Variants in FOXN2 observed in about 807,000 individuals in gnomAD.
FOXN2 encodes the protein forkhead box protein N2.
Under a neutral mutation model 41.2 loss-of-function variants are expected in FOXN2, and 19 were observed. That is an observed-to-expected ratio of 0.46 (90% CI 0.32 to 0.68). The LOEUF is 0.68. Among genes scored for constraint, FOXN2 ranks in the 30% least tolerant of loss-of-function variants. The pLI, the probability that FOXN2 is intolerant of heterozygous loss-of-function variation, is 0.03. For synonymous variants in FOXN2, 195 were observed against 176.8 expected (o/e 1.10, Z -0.82); for missense variants, 587 against 509.4 (o/e 1.15, Z -1.47).
chr2:48,328,679 T>C lies in FOXN2; in HGVS notation c.-38T>C, dbSNP rs997615875. ...GTCACTGTATGACTTATAGTACAGG[T>C]GATATTACTTCTGATTCTAGATGGT... On this transcript the variant is annotated 5_prime_UTR_variant, in exon 2 of 7. Coordinates refer to ENST00000340553, the MANE Select transcript of FOXN2 (RefSeq NM_002158.4). 6.6e-6 allele frequency: 1 copy of C among 152,216 alleles called. No individual in the cohort carries two copies. Among genetic ancestry groups the C allele is most frequent in the Non-Finnish European group, 1.5e-5 (1 of 68,032 alleles). The allele number at this position is 152,216 out of a possible 1,614,324, so 9.4% of individuals were successfully genotyped here. A position where few individuals can be genotyped will look rare whatever the true frequency, so the allele number is the denominator to read the frequency against.
chr2:48,342,743 A>C (rs1158133593), intron 2 of FOXN2, among the ~76,000 whole-genome samples: 3 of 152,174 alleles, frequency 2.0e-5, no homozygotes, highest in African/African-American at 7.2e-5. Flanking sequence ...ATAGTGCTCT[A>C]AAGTGTTCTA....
In FOXN2 at chr2:48,359,142, A is replaced by G. The variant is rs753607587; in HGVS notation, c.633A>G (p.Ser211=). Residue 211 remains serine (S), a synonymous_variant, in exon 4 of 7, where the codon TCA becomes TCG. Coordinates refer to ENST00000340553, the MANE Select transcript of FOXN2 (RefSeq NM_002158.4). ...AGCAACCTTTTTCTTCAGCATCTTC[A>G]CAAAAGTAAGGATCTTCCATATAAC... ...LKKQPFSSAS[S]QNGSLSPHYL... 2 of 1,612,018 alleles carry G rather than the reference A, an allele frequency of 1.2e-6. No individual in the cohort carries two copies. Among genetic ancestry groups the G allele is most frequent in the South Asian group, 2.2e-5 (2 of 91,028 alleles).
intron 1 of FOXN2, among the ~76,000 whole-genome samples, chr2:48,326,142 G>C (rs1046602223): frequency 6.6e-6 from 1 of 152,144 alleles, no homozygotes; most frequent in Non-Finnish European, 1.5e-5. Context: ...GAGCCACCGT[G>C]CCCGGCCTTC....
At chr2:48,333,147 G>A (rs1003605791) in intron 2 of FOXN2, among the ~76,000 whole-genome samples, 4 of 151,712 alleles carry the variant, frequency 2.6e-5, no homozygotes, top group Admixed American at 2.6e-4. Context: ...TAATATTTAC[G>A]ATAGACTCTA....
intron 1 of FOXN2, 122 bp downstream of exon 1, chr2:48,314,936 T>TGTCCCGTGACGCGCCC (rs1232803376): frequency 1.3e-5 from 2 of 151,894 alleles, no homozygotes; most frequent in Admixed American, 1.3e-4. Context: ...CGGAGGCGGC[T>TGTCCCGTGACGCGCCC]GTCCCGTGAC....
intron 1 of FOXN2, among the ~76,000 whole-genome samples, chr2:48,322,031 C>A (rs958604862): frequency 6.6e-6 from 1 of 152,160 alleles, no homozygotes; most frequent in Non-Finnish European, 1.5e-5. Flanking sequence ...TTATTGCAAT[C>A]TCCGCCTTCG....
chr2:48,347,413 A>G (rs1671181492), intron 3 of FOXN2, among the ~76,000 whole-genome samples: 1 of 151,662 alleles, frequency 6.6e-6, no homozygotes, highest in Admixed American at 6.6e-5. Flanking sequence ...TTTTTAATAG[A>G]GATGGGGTTT....
At chr2:48,329,818 GTTCC>G (rs960146432) in intron 2 of FOXN2, among the ~76,000 whole-genome samples, 1 of 152,036 alleles carries the variant, frequency 6.6e-6, no homozygotes, top group African/African-American at 2.4e-5. Context: ...AAGGTTGTGA[GTTCC>G]TTCCTTTTAT....
At chr2:48,345,468 A>C (rs1358381403) in intron 2 of FOXN2, among the ~76,000 whole-genome samples, 2 of 152,174 alleles carry the variant, frequency 1.3e-5, no homozygotes, top group Non-Finnish European at 2.9e-5. Flanking sequence ...TGTATATTTC[A>C]AAATTCCTAA....
chr2:48,319,901 G>A (rs1038672638), intron 1 of FOXN2, among the ~76,000 whole-genome samples: 5 of 150,556 alleles, frequency 3.3e-5, no homozygotes, highest in Admixed American at 2.6e-4. Context: ...CAAAGCGCTG[G>A]GATTTTAGGC....
At chr2:48,359,589 C>T (rs1348783117) in intron 4 of FOXN2, among the ~76,000 whole-genome samples, 3 of 151,444 alleles carry the variant, frequency 2.0e-5, no homozygotes, top group South Asian at 2.1e-4. Flanking sequence ...CCACCATCCT[C>T]GGCCTGTTTT....
intron 4 of FOXN2, among the ~76,000 whole-genome samples, chr2:48,361,422 G>A (rs1161390645): frequency 6.6e-6 from 1 of 151,214 alleles, no homozygotes; most frequent in Non-Finnish European, 1.5e-5. Flanking sequence ...AGCCGAGATT[G>A]CGCCACTGCT....
intron 3 of FOXN2, among the ~76,000 whole-genome samples, chr2:48,346,982 T>G (rs1026362327): frequency 9.2e-5 from 14 of 152,180 alleles, no homozygotes. Context: ...ATTAGTCTTT[T>G]TATTATTTTA....
At chr2:48,328,214 A>C (rs1669807868) in intron 1 of FOXN2, among the ~76,000 whole-genome samples, 1 of 152,184 alleles carries the variant, frequency 6.6e-6, no homozygotes, top group Non-Finnish European at 1.5e-5. Context: ...TTGACTTTTT[A>C]AGTTTCTATA....
At chr2:48,374,228 G>C (rs996004359) in intron 6 of FOXN2, among the ~76,000 whole-genome samples, 2 of 152,126 alleles carry the variant, frequency 1.3e-5, no homozygotes, top group African/African-American at 4.8e-5. Flanking sequence ...CAACCGGAAA[G>C]TCAGCAAAAT....
chr2:48,375,449 C>T lies in FOXN2; in HGVS notation c.*6C>T, dbSNP rs1317715373. 2 of 1,595,634 alleles carry T rather than the reference C, an allele frequency of 1.3e-6. No homozygotes were observed. Among genetic ancestry groups the T allele is most frequent in the Non-Finnish European group, 1.7e-6 (2 of 1,171,640 alleles). ...AAAAGCAACGGAAAAAATAGAAATA[C>T]TTAAAGTGTGGCAATACTCTTTCAC... On this transcript the variant is annotated 3_prime_UTR_variant, in exon 7 of 7. Transcript: ENST00000340553.
At chr2:48,353,263 C>T (rs2104418520) in intron 3 of FOXN2, among the ~76,000 whole-genome samples, 1 of 152,296 alleles carries the variant, frequency 6.6e-6, no homozygotes, top group Middle Eastern at 3.4e-3. Context: ...CCCCACAAGA[C>T]TACTTGCTAT....
intron 3 of FOXN2, among the ~76,000 whole-genome samples, chr2:48,355,627 G>A (rs1012893265): frequency 6.6e-6 from 1 of 151,840 alleles, no homozygotes; most frequent in African/African-American, 2.4e-5. Context: ...CCAATCTGTG[G>A]AAGCCAAATA....
At chr2:48,316,510 G>C (rs1255128854) in intron 1 of FOXN2, among the ~76,000 whole-genome samples, 1 of 152,132 alleles carries the variant, frequency 6.6e-6, no homozygotes, top group African/African-American at 2.4e-5. Context: ...AAAATTACCA[G>C]TGAAAATACT....
Sources: gnomAD v4.1 joint callset for allele counts (sites outside exome capture counted in the v4.1 genomes callset) on GRCh38, gnomAD v4.1.1 for gene constraint, MANE v1.5 for transcripts, NCBI Gene and HGNC (gene_info 2026-07-23, HGNC 2026-07-21) for gene names.